Variants in PTPRF observed in about 807,000 individuals in gnomAD.
PTPRF encodes the protein protein tyrosine phosphatase receptor type F, also known as receptor-type tyrosine-protein phosphatase F.
In PTPRF, 59 loss-of-function variants were observed where a neutral mutation model predicts 201.8. That is an observed-to-expected ratio of 0.29 (90% CI 0.24 to 0.36). The LOEUF is 0.36. PTPRF is among the 10% of genes least tolerant of loss of function. The pLI, the probability that PTPRF is intolerant of heterozygous loss-of-function variation, is 1.00. For missense variants in PTPRF, 2,132 were observed against 2,690.5 expected (o/e 0.79, Z 4.59); for synonymous variants, 1,088 against 1,089.7 (o/e 1.00, Z 0.03).
intron 3 of PTPRF, among the ~76,000 whole-genome samples, chr1:43,552,291 C>T (rs992500394): frequency 1.3e-5 from 2 of 152,142 alleles, no homozygotes; most frequent in Admixed American, 6.5e-5. Context: ...AGGTCCCTGA[C>T]AATCTTGTGT....
intron 23 of PTPRF, 99 bp downstream of exon 23, chr1:43,613,814 G>T (rs1657074359): frequency 9.3e-7 from 1 of 1,077,630 alleles, no homozygotes; most frequent in Admixed American, 1.9e-5. Flanking sequence ...GAGGAAGCAG[G>T]GGTCCAGCTT....
intron 5 of PTPRF, among the ~76,000 whole-genome samples, chr1:43,566,287 C>T (rs955432989): frequency 6.6e-6 from 1 of 152,232 alleles, no homozygotes; most frequent in African/African-American, 2.4e-5. Context: ...AGATCTCTCT[C>T]AGCCCCTGGT....
chr1:43,588,794 G>A lies in PTPRF; in HGVS notation c.743G>A (p.Ser248Asn), dbSNP rs1459942101. 1.2e-6 allele frequency: 2 copies of A among 1,613,954 alleles called. No individual in the cohort carries two copies. Among genetic ancestry groups the A allele is most frequent in the Non-Finnish European group, 1.7e-6 (2 of 1,180,046 alleles). ...PSSQEVMPGGSVNLTCVAVGA... is the reference protein window; with the variant it reads ...PSSQEVMPGGNVNLTCVAVGA... ...AGCCAGGAGGTGATGCCAGGCGGCA[G>A]CGTGAACCTGACATGCGTGGCAGTG... is the stretch of plus-strand genomic sequence containing the variant. The change falls in exon 8 of 34, where the codon AGC becomes AAC. Residue 248 changes from serine (S) to asparagine (N), a missense_variant. Transcript: ENST00000359947. The surrounding 1 kb of genome is among the most constrained non-coding windows in gnomAD (Gnocchi z 5.3).
rs554590833 is a variant in PTPRF at position 43,532,524 on chromosome 1, G to A, written c.-126+1434G>A. 86 of 161,944 alleles carry A rather than the reference G, an allele frequency of 5.3e-4. No homozygotes were observed. In the South Asian group the frequency reaches 0.015, roughly 28 times the overall value. 10.0% of individuals were successfully genotyped at this position (161,944 alleles called of 1,614,324 possible). The stretch of plus-strand genomic sequence containing the variant: ...AGCAGGGAAGTGCACTGGGGTGAGA[G>A]GCGTAGAAAAGGATGTGGGGTGGTG... On this transcript the variant is annotated intron_variant, in intron 1 of 33. Coordinates refer to ENST00000359947, the MANE Select transcript of PTPRF (RefSeq NM_002840.5).
At chr1:43,549,427 G>A (rs1456694808) in intron 3 of PTPRF, among the ~76,000 whole-genome samples, 2 of 152,184 alleles carry the variant, frequency 1.3e-5, no homozygotes, top group African/African-American at 2.4e-5. Context: ...AGAGGGGCTG[G>A]GCTGGGCACA....
At chr1:43,587,877 C>T (rs1201489077) in intron 7 of PTPRF, among the ~76,000 whole-genome samples, 2 of 152,204 alleles carry the variant, frequency 1.3e-5, no homozygotes, top group African/African-American at 4.8e-5. Flanking sequence ...TGGTTCTAGG[C>T]TGTACCCTGG....
At chr1:43,557,484 A>G (rs975446467) in intron 5 of PTPRF, among the ~76,000 whole-genome samples, 5 of 152,140 alleles carry the variant, frequency 3.3e-5, no homozygotes, top group Admixed American at 6.5e-5. Flanking sequence ...AAAATACAAA[A>G]TTAACTGGGC....
intron 22 of PTPRF, chr1:43,612,779 C>G (rs764949610): frequency 1.5e-6 from 2 of 1,365,878 alleles, no homozygotes; most frequent in East Asian, 9.1e-5. Flanking sequence ...TTCCAGTGTC[C>G]CCAGTTGCCC....
At chr1:43,536,037 G>A (rs1023467989) in intron 1 of PTPRF, among the ~76,000 whole-genome samples, 3 of 152,156 alleles carry the variant, frequency 2.0e-5, no homozygotes, top group Non-Finnish European at 2.9e-5. Flanking sequence ...CCAAAGTGCC[G>A]GGATTACAGG....
rs142094026 is a variant in PTPRF, at chr1:43,557,707, T to C, written c.379+3766T>C. Among the ~76,000 whole-genome samples, 1,019 of 151,672 alleles carry C rather than the reference T, an allele frequency of 6.7e-3. 2 individuals are homozygous for C. Among genetic ancestry groups the C allele is most frequent in the Non-Finnish European group, 0.011 (723 of 67,934 alleles). ...TCTACCAGGGGCCAGCAGTATATGT[T>C]TGCGCTTCTGGGGTGTGAGAAGTGT... On this transcript the variant is annotated intron_variant, in intron 5 of 33. Coordinates refer to ENST00000359947, the MANE Select transcript of PTPRF (RefSeq NM_002840.5).
rs139105914 is a variant in PTPRF, at chr1:43,603,726, C to T, written c.2574C>T (p.Cys858=). ...GELLGYRLQY[C]RADEARPNTI... ...TGCTGGGCTACCGGCTGCAGTACTG[C>T]CGGGCCGACGAGGCGCGGCCCAACA... Residue 858 remains cysteine, a synonymous_variant, in exon 16 of 34, where the codon TGC becomes TGT. Transcript: ENST00000359947. This position sits in a 1 kb window ranked among gnomAD's most constrained non-coding sequence, Gnocchi z 5.8. 8 of 1,613,634 alleles carry T rather than the reference C, an allele frequency of 5.0e-6. No individual in the cohort carries two copies. The African/African-American group carries it at 9.3e-5, about 19-fold the overall frequency.
At chr1:43,615,219 T>A (rs1416961469) in intron 23 of PTPRF, among the ~76,000 whole-genome samples, 3 of 152,238 alleles carry the variant, frequency 2.0e-5, no homozygotes, top group Admixed American at 6.5e-5. Flanking sequence ...GCAACCGTGC[T>A]GCCTCTGCCT....
rs1484025332 is a variant in PTPRF, at chr1:43,618,627, C to T, written c.4372-3C>T. 13 of 1,592,922 alleles carry T rather than the reference C, an allele frequency of 8.2e-6. No individual in the cohort carries two copies. The African/African-American group carries it at 1.1e-4, about 13-fold the overall frequency. On this transcript the variant is annotated splice_polypyrimidine_tract_variant and splice_region_variant and intron_variant, in intron 25 of 33. Transcript: ENST00000359947. ...TCAGCCTGCCCTGCTCATCCTCCTG[C>T]AGGTAAAATGTGATCAGTACTGGCC...
rs1401580125 is a variant in PTPRF at position 43,581,814 on chromosome 1, T to TCAC, written c.679+2896_679+2897insCCA. Among the ~76,000 whole-genome samples, 5 of 152,334 alleles carry TCAC rather than the reference T, an allele frequency of 3.3e-5. No individual in the cohort carries two copies. In the East Asian group the frequency reaches 9.7e-4, roughly 29 times the overall value. ...TCCTCCCACAGCAGGCTCCTGAGCC[T>TCAC]CAGACGGCTTGATGTGGGCTCTAGC... is the stretch of plus-strand genomic sequence containing the variant. On this transcript the variant is annotated intron_variant, in intron 7 of 33. Coordinates refer to ENST00000359947, the MANE Select transcript of PTPRF (RefSeq NM_002840.5).
In PTPRF at chr1:43,588,320, T is replaced by C. The variant is rs1296985982; in HGVS notation, c.680-411T>C. ...CCTCCACCCTAGGGCCTGCTTTCTC[T>C]CCTTGGTGCTCCAGCCAGGAGCAGG... is the stretch of plus-strand genomic sequence containing the variant. On this transcript the variant is annotated intron_variant, in intron 7 of 33. Transcript: ENST00000359947. This position sits in a 1 kb window ranked among gnomAD's most constrained non-coding sequence, Gnocchi z 5.3. Among the ~76,000 whole-genome samples, 1 of 152,144 alleles carries C rather than the reference T, an allele frequency of 6.6e-6. No homozygotes were observed. Among genetic ancestry groups the C allele is most frequent in the Non-Finnish European group, 1.5e-5 (1 of 68,026 alleles).
chr1:43,597,742 C>G lies in PTPRF; in HGVS notation c.1814-6C>G. On this transcript the variant is annotated splice_region_variant and splice_polypyrimidine_tract_variant and intron_variant, in intron 11 of 33. Transcript: ENST00000359947. ...TGCTTGCTTCCCCCCCATTTGTCTT[C>G]CCCAGCCCCCTCCGCCCCTCCCCAG... 48 of 942,970 alleles carry G rather than the reference C, an allele frequency of 5.1e-5. No individual in the cohort carries two copies. Among genetic ancestry groups the G allele is most frequent in the Non-Finnish European group, 6.7e-5 (43 of 644,774 alleles). 58.4% of individuals were successfully genotyped at this position (942,970 alleles called of 1,614,324 possible).
In PTPRF at chr1:43,619,578, G is replaced by T; in HGVS notation, c.4932+5G>T. The T allele has an allele frequency of 6.2e-7, 1 of 1,611,434 alleles. No individual in the cohort carries two copies. Among genetic ancestry groups the T allele is most frequent in the South Asian group, 1.1e-5 (1 of 91,018 alleles). ...GCCATGGAGCTCGAGTTCAAGGTGG[G>T]GCTCGGGTGGGCCTGCTTGGCTCCA... On this transcript the variant is annotated splice_donor_5th_base_variant and intron_variant, in intron 28 of 33. Transcript: ENST00000359947.
At position 43,617,879 on chromosome 1, in the gene PTPRF, G is replaced by A; in HGVS notation, c.4339G>A (p.Val1447Ile). Residue 1447 changes from valine (V) to isoleucine (I), a missense_variant, in exon 25 of 34, where the codon GTC (valine) becomes ATC (isoleucine). Transcript: ENST00000359947. ...GTGGGAACAGCGCACGGCCACTGTG[G>A]TCATGATGACACGGCTGGAGGAGAA... is the stretch of plus-strand genomic sequence containing the variant. Reference protein sequence around the residue: ...MVWEQRTATVVMMTRLEEKSR... With the variant: ...MVWEQRTATVIMMTRLEEKSR... 1 of 1,612,904 alleles carries A rather than the reference G, an allele frequency of 6.2e-7. No homozygotes were observed. Among genetic ancestry groups the A allele is most frequent in the South Asian group, 1.1e-5 (1 of 91,042 alleles).
In PTPRF at chr1:43,570,534, G is replaced by T. The variant is rs117895483; in HGVS notation, c.568+756G>T. The stretch of plus-strand genomic sequence containing the variant: ...CTATGGGATGGTTGGCCTCGGGCAG[G>T]ATGGCCAGTGCCGGCCAGAGCCCCT... On this transcript the variant is annotated intron_variant, in intron 6 of 33. Transcript: ENST00000359947. 4.7e-3 allele frequency among the ~76,000 whole-genome samples: 712 copies of T among 152,378 alleles called. 31 individuals carry two copies. The East Asian group carries it at 0.096, about 21-fold the overall frequency.
Sources: allele counts gnomAD v4.1 joint callset (sites outside exome capture counted in the v4.1 genomes callset), GRCh38; gene constraint gnomAD v4.1.1; non-coding constraint Gnocchi (gnomAD v3.1); transcripts MANE v1.5; gene names NCBI Gene and HGNC (gene_info 2026-07-23, HGNC 2026-07-21).